The following WDPCP variants were observed in gnomAD, a reference collection of about 807,000 sequenced individuals.
WDPCP encodes WD repeat containing planar cell polarity effector.
Under a neutral mutation model 93.1 loss-of-function variants are expected in WDPCP, and 71 were observed. The observed-to-expected ratio is 0.76, with a 90% CI of 0.63 to 0.93. WDPCP has a LOEUF of 0.93. WDPCP is among the 40% of genes least tolerant of loss of function. WDPCP has a pLI of 0.00. For missense variants in WDPCP, 844 were observed against 887.4 expected (o/e 0.95, Z 0.62); for synonymous variants, 315 against 315.0 (o/e 1.00, Z 0.00).
chr2:63,329,101 T>C (rs746577003), intron 12 of WDPCP, among the ~76,000 whole-genome samples: 3 of 152,224 alleles, frequency 2.0e-5, no homozygotes, highest in Non-Finnish European at 4.4e-5. Flanking sequence ...GTACAGTATT[T>C]GTTAATGATA....
chr2:63,582,751 GA>G (rs201249524), intron 1 of WDPCP, among the ~76,000 whole-genome samples: 1 of 151,032 alleles, frequency 6.6e-6, no homozygotes, highest in Non-Finnish European at 1.5e-5. Flanking sequence ...CAAGGCAAAT[GA>G]AAAAAAACAG....
At chr2:63,526,751 T>C (rs1703367297) in intron 1 of WDPCP, among the ~76,000 whole-genome samples, 1 of 152,206 alleles carries the variant, frequency 6.6e-6, no homozygotes, top group Non-Finnish European at 1.5e-5. Context: ...AAAAGTCTTC[T>C]CCAATAACCC....
chr2:63,788,076 AAT>A (rs1229253753), intron 2 of WDPCP, among the ~76,000 whole-genome samples: 3 of 152,072 alleles, frequency 2.0e-5, no homozygotes, highest in Non-Finnish European at 4.4e-5. Context: ...TAAAATAAAA[AAT>A]GAGTCCAATA....
intron 13 of WDPCP, among the ~76,000 whole-genome samples, chr2:63,270,666 C>T (rs1357430673): frequency 6.6e-6 from 1 of 152,090 alleles, no homozygotes; most frequent in African/African-American, 2.4e-5. Flanking sequence ...AAGTTGCCAG[C>T]CAGCCAGGAT....
intron 6 of WDPCP, 98 bp from the exon 7 acceptor site, chr2:63,439,969 T>G: frequency 1.2e-6 from 1 of 866,696 alleles, no homozygotes; most frequent in Non-Finnish European, 1.9e-6. Flanking sequence ...TACAGATATT[T>G]TACACATGCA....
At chr2:63,319,906 C>CA (rs1337844265) in intron 12 of WDPCP, among the ~76,000 whole-genome samples, 1 of 152,076 alleles carries the variant, frequency 6.6e-6, no homozygotes, top group East Asian at 1.9e-4. Context: ...AATCCATCAA[C>CA]AATGTAATTA....
chr2:63,200,628 G>C (rs1675829021), intron 14 of WDPCP, among the ~76,000 whole-genome samples: 1 of 152,102 alleles, frequency 6.6e-6, no homozygotes, highest in Non-Finnish European at 1.5e-5. Flanking sequence ...AAATTAGAAT[G>C]ATGGAACTCA....
chr2:63,126,093 C>A (rs1669882958), intron 17 of WDPCP, among the ~76,000 whole-genome samples: 2 of 151,718 alleles, frequency 1.3e-5, no homozygotes, highest in Non-Finnish European at 2.9e-5. Context: ...CACCACCACA[C>A]CAGGCTATTT....
chr2:63,178,681 A>G (rs961557271), intron 14 of WDPCP, among the ~76,000 whole-genome samples: 1 of 151,250 alleles, frequency 6.6e-6, no homozygotes, highest in Non-Finnish European at 1.5e-5. Context: ...ATTTTTTTCT[A>G]TTGCTTTTGT....
chr2:63,422,623 C>A (rs1471053590), intron 9 of WDPCP, among the ~76,000 whole-genome samples: 1 of 152,028 alleles, frequency 6.6e-6, no homozygotes, highest in Admixed American at 6.5e-5. Flanking sequence ...CATTTTGCAA[C>A]CCTAATGAAT....
intron 6 of WDPCP, among the ~76,000 whole-genome samples, chr2:63,460,712 C>T (rs868393014): frequency 1.3e-5 from 2 of 151,942 alleles, no homozygotes; most frequent in African/African-American, 4.8e-5. Flanking sequence ...CTGCAAGCTC[C>T]GCCTCCCAGG....
chr2:63,607,681 T>A (rs1356153069), intron 3 of WDPCP, among the ~76,000 whole-genome samples: 5 of 151,328 alleles, frequency 3.3e-5, no homozygotes, highest in African/African-American at 1.2e-4. Context: ...ATGCAAAAAA[T>A]TAGCCAGGCG....
chr2:63,735,380 G>A (rs998977485), intron 2 of WDPCP, among the ~76,000 whole-genome samples: 2 of 152,146 alleles, frequency 1.3e-5, no homozygotes, highest in Admixed American at 6.5e-5. Flanking sequence ...GTGGGACAAA[G>A]GGACAAAATC....
chr2:63,545,575 A>G (rs1705094509), intron 1 of WDPCP, among the ~76,000 whole-genome samples: 1 of 152,030 alleles, frequency 6.6e-6, no homozygotes, highest in Admixed American at 6.6e-5. Context: ...CTACCCGAAC[A>G]TTTTATTTTT....
chr2:63,776,571 A>G lies in WDPCP; in HGVS notation n.308+37051T>C, dbSNP rs142909813. Among the ~76,000 whole-genome samples the G allele has an allele frequency of 5.7e-4, 84 of 148,244 alleles. No individual in the cohort carries two copies. The East Asian group carries it at 0.016, about 28-fold the overall frequency. On this transcript the variant is annotated intron_variant and non_coding_transcript_variant, in intron 2 of 4. Transcript: ENST00000467687. The stretch of plus-strand genomic sequence containing the variant: ...CCAGGAAGGCTGAGATAAGAGGATC[A>G]CCTGAGCCTGGGAGGTCAAGGCTGC...
chr2:63,180,744 G>C (rs1674178903), intron 14 of WDPCP, among the ~76,000 whole-genome samples: 1 of 152,122 alleles, frequency 6.6e-6, no homozygotes, highest in Non-Finnish European at 1.5e-5. Flanking sequence ...GCAGTTCTAT[G>C]AGAAATCTCC....
At chr2:63,571,350 TAA>T (rs769864772) in intron 1 of WDPCP, 1 of 451,570 alleles carries the variant, frequency 2.2e-6, no homozygotes, top group South Asian at 1.6e-5. Context: ...TTGAGAGAAA[TAA>T]ATATATTTAC....
At chr2:63,769,314 T>TG (rs1670191134) in intron 2 of WDPCP, among the ~76,000 whole-genome samples, 1 of 151,964 alleles carries the variant, frequency 6.6e-6, no homozygotes, top group African/African-American at 2.4e-5. Context: ...ATGAAACTTC[T>TG]GTGGGTAGGA....
At chr2:63,588,529 C>T, upstream of WDPCP, 1 of 596,944 alleles carries the variant, frequency 1.7e-6, no homozygotes, top group East Asian at 2.8e-5. Context: ...ATTTTGTTTC[C>T]GGGTCGATCC....
Sources: gnomAD v4.1 joint callset for allele counts (sites outside exome capture counted in the v4.1 genomes callset) on GRCh38, gnomAD v4.1.1 for gene constraint, MANE v1.5 for transcripts, NCBI Gene and HGNC (gene_info 2026-07-23, HGNC 2026-07-21) for gene names.